RERE: variants seen among roughly 807,000 people sequenced by gnomAD.
The protein encoded by RERE is arginine-glutamic acid dipeptide repeats, also known as arginine-glutamic acid dipeptide repeats protein.
RERE carries 40 observed loss-of-function variants against 146.1 expected under a neutral mutation model. That is an observed-to-expected ratio of 0.27 (90% CI 0.21 to 0.36). RERE has a LOEUF of 0.36. Ranked by LOEUF, RERE falls within the 10% of genes least tolerant of loss-of-function variation. The pLI is 1.00. For synonymous variants in RERE, 1,003 were observed against 866.0 expected (o/e 1.16, Z -2.78); for missense variants, 1,933 against 2,138.7 (o/e 0.90, Z 1.90).
At chr1:8,609,965 C>T (rs1171648272) in intron 4 of RERE, among the ~76,000 whole-genome samples, 2 of 152,084 alleles carry the variant, frequency 1.3e-5, no homozygotes, top group South Asian at 2.1e-4. Context: ...GATGGGATTT[C>T]ACCATGTTGT....
At chr1:8,396,263 A>G (rs1336556185) in intron 12 of RERE, among the ~76,000 whole-genome samples, 1 of 152,198 alleles carries the variant, frequency 6.6e-6, no homozygotes, top group African/African-American at 2.4e-5. Context: ...CTAGAGCTGA[A>G]TTCAATGTGG....
chr1:8,721,796 G>T (rs1382682985), intron 1 of RERE, among the ~76,000 whole-genome samples: 2 of 152,074 alleles, frequency 1.3e-5, no homozygotes, highest in African/African-American at 2.4e-5. Flanking sequence ...ATGTAAGATG[G>T]GTCCCTCAGT....
chr1:8,779,294 G>A (rs565419771), intron 1 of RERE, among the ~76,000 whole-genome samples: 8 of 150,488 alleles, frequency 5.3e-5, no homozygotes, highest in African/African-American at 7.3e-5. Flanking sequence ...TTGGGAGGCC[G>A]AGGTGGGCAG....
Position 8,413,987 on chromosome 1 carries a change from G to A in RERE, c.1284+8740C>T, listed in dbSNP as rs537548585. ...GGAGAATTGCTTGAACCCGGGAGAC[G>A]GAGGCTGTGGTGAGCTGAGATTGTG... On this transcript the variant is annotated intron_variant, in intron 12 of 22. Coordinates refer to ENST00000400908, the MANE Select transcript of RERE (RefSeq NM_001042681.2). Among the ~76,000 whole-genome samples the A allele has an allele frequency of 2.0e-5, 3 of 151,282 alleles. No homozygotes were observed. In the South Asian group the frequency reaches 6.3e-4, roughly 32 times the overall value.
Position 8,400,631 on chromosome 1 carries a change from G to C in RERE, c.1284+22096C>G, listed in dbSNP as rs189057541. Reference sequence around the variant, plus strand: ...TGTCATATAGAAATCTGAGTGAAGAGTCTAATATTAGTGATGACAGTAGGC... The same window carrying C: ...TGTCATATAGAAATCTGAGTGAAGACTCTAATATTAGTGATGACAGTAGGC... On this transcript the variant is annotated intron_variant, in intron 12 of 22. Transcript: ENST00000400908. Among the ~76,000 whole-genome samples, 3 of 151,986 alleles carry C rather than the reference G, an allele frequency of 2.0e-5. No individual in the cohort carries two copies. In the East Asian group the frequency reaches 5.8e-4, roughly 29 times the overall value.
chr1:8,362,692 C>T lies in RERE; in HGVS notation c.1893G>A (p.Lys631=). The change falls in exon 16 of 23, where the codon AAG becomes AAA. Residue 631 remains lysine, a synonymous_variant. Transcript: ENST00000400908. ...CCCCCCAGCACCTGACCTTGGCCGA[C>T]TTCTTCACTGTCTCTGCTTTACTGT... ...SNDSKAETVK[K]SAKKVKEEAS... is the part of the protein sequence containing the mutation. 1 of 1,614,256 alleles carries T rather than the reference C, an allele frequency of 6.2e-7. No homozygotes were observed. Among genetic ancestry groups the T allele is most frequent in the East Asian group, 2.2e-5 (1 of 44,882 alleles).
chr1:8,595,154 T>G (rs1646540181), intron 4 of RERE, among the ~76,000 whole-genome samples: 1 of 145,042 alleles, frequency 6.9e-6, no homozygotes. Flanking sequence ...AGCAAGACCG[T>G]GTCCAAAAAA....
At chr1:8,415,774 T>TA (rs1257846542) in intron 12 of RERE, among the ~76,000 whole-genome samples, 1 of 152,200 alleles carries the variant, frequency 6.6e-6, no homozygotes, top group East Asian at 1.9e-4. Flanking sequence ...TCACAATTAA[T>TA]AGATTCGAGC....
At chr1:8,518,876 G>A (rs975634743) in intron 7 of RERE, among the ~76,000 whole-genome samples, 4 of 152,096 alleles carry the variant, frequency 2.6e-5, no homozygotes, top group Non-Finnish European at 5.9e-5. Flanking sequence ...TGTGCTGGCC[G>A]ACTCTGGGCA....
At chr1:8,761,923 A>C (rs187682095) in intron 1 of RERE, among the ~76,000 whole-genome samples, 2,319 of 152,076 alleles carry the variant, frequency 0.015, 39 homozygotes, top group Non-Finnish European at 0.019. Flanking sequence ...ACTCTGTCTC[A>C]AAAAAAAGGA....
At chr1:8,708,095 A>C (rs541885257) in intron 1 of RERE, among the ~76,000 whole-genome samples, 1 of 152,298 alleles carries the variant, frequency 6.6e-6, no homozygotes, top group South Asian at 2.1e-4. Context: ...ACACATTCCC[A>C]AGGGTAAGAG....
At chr1:8,503,181 A>C (rs1645204646) in intron 8 of RERE, among the ~76,000 whole-genome samples, 1 of 152,186 alleles carries the variant, frequency 6.6e-6, no homozygotes, top group Non-Finnish European at 1.5e-5. Flanking sequence ...AATTAATGGC[A>C]CATATTCAAT....
chr1:8,653,649 C>G (rs543719072), intron 2 of RERE, among the ~76,000 whole-genome samples: 24 of 147,226 alleles, frequency 1.6e-4, no homozygotes, highest in Admixed American at 8.3e-4. Flanking sequence ...GAGCCAAGAT[C>G]GCGCCACTGC....
chr1:8,509,518 A>G (rs1224717291), intron 7 of RERE, among the ~76,000 whole-genome samples: 2 of 152,296 alleles, frequency 1.3e-5, no homozygotes, highest in East Asian at 3.9e-4. Flanking sequence ...GGATAAAGCA[A>G]CAAACAGGGA....
chr1:8,700,481 C>T (rs530899926), intron 1 of RERE, among the ~76,000 whole-genome samples: 1 of 151,966 alleles, frequency 6.6e-6, no homozygotes, highest in Non-Finnish European at 1.5e-5. Context: ...CTCATAAATA[C>T]TTTCTAATAA....
At chr1:8,606,021 G>A (rs1416676925) in intron 4 of RERE, among the ~76,000 whole-genome samples, 1 of 151,716 alleles carries the variant, frequency 6.6e-6, no homozygotes, top group East Asian at 1.9e-4. Flanking sequence ...TTTCTTTGTT[G>A]CCCAGGCTGG....
intron 1 of RERE, chr1:8,750,397 T>G: frequency 1.4e-6 from 1 of 708,478 alleles, no homozygotes; most frequent in Non-Finnish European, 2.5e-6. Context: ...AGTAGTCTTT[T>G]AAAAACCAGT....
chr1:8,420,280 T>C (rs1007384877), intron 12 of RERE, among the ~76,000 whole-genome samples: 2 of 151,996 alleles, frequency 1.3e-5, no homozygotes, highest in Non-Finnish European at 2.9e-5. Flanking sequence ...CAGAGTTAGA[T>C]CTTGTCTCAT....
chr1:8,794,826 G>A (rs763220240), intron 1 of RERE, among the ~76,000 whole-genome samples: 3 of 152,076 alleles, frequency 2.0e-5, no homozygotes, highest in Admixed American at 6.6e-5. Flanking sequence ...GGAGGGAGGG[G>A]TGGCTGAGGT....
Sources: allele counts gnomAD v4.1 joint callset (sites outside exome capture counted in the v4.1 genomes callset), GRCh38; gene constraint gnomAD v4.1.1; transcripts MANE v1.5; gene names NCBI Gene and HGNC (gene_info 2026-07-23, HGNC 2026-07-21).